Variants in LRP1B observed in about 807,000 individuals in gnomAD.
The protein encoded by LRP1B is low-density lipoprotein receptor-related protein 1B.
LRP1B carries 217 observed loss-of-function variants against 556.6 expected under a neutral mutation model. The observed-to-expected ratio is 0.39, with a 90% CI of 0.35 to 0.44. The LOEUF is 0.44. Ranked by LOEUF, LRP1B falls within the 20% of genes least tolerant of loss-of-function variation. The probability of loss-of-function intolerance (pLI) is 1.00; values close to 1 mark genes in which losing one functional copy is unlikely to be tolerated. For missense variants in LRP1B, 5,053 were observed against 5,620.8 expected (o/e 0.90, Z 3.23); for synonymous variants, 2,047 against 1,865.8 (o/e 1.10, Z -2.50).
At chr2:142,117,279 GTTCTCTCCCCCGA>G (rs1156286668) in intron 1 of LRP1B, among the ~76,000 whole-genome samples, 3 of 152,072 alleles carry the variant, frequency 2.0e-5, no homozygotes, top group Non-Finnish European at 4.4e-5. Context: ...CTGCATCCAC[GTTCTCTCCCCCGA>G]TTCTGCTTTA....
chr2:142,101,943 T>A (rs948985608), intron 1 of LRP1B, among the ~76,000 whole-genome samples: 1 of 151,978 alleles, frequency 6.6e-6, no homozygotes, highest in Admixed American at 6.6e-5. Flanking sequence ...TGAGATAGTA[T>A]GGAGAGAGAA....
At chr2:140,247,947 TC>T (rs1400280090) in intron 86 of LRP1B, among the ~76,000 whole-genome samples, 8 of 151,576 alleles carry the variant, frequency 5.3e-5, no homozygotes, top group Admixed American at 2.0e-4. Flanking sequence ...TCACAGGAAA[TC>T]CACAGAGAAA....
At chr2:140,565,005 A>G (rs1040692844) in intron 43 of LRP1B, among the ~76,000 whole-genome samples, 4 of 151,968 alleles carry the variant, frequency 2.6e-5, no homozygotes, top group African/African-American at 9.7e-5. Context: ...AGAAGATAGT[A>G]TTACTTTAGG....
intron 3 of LRP1B, among the ~76,000 whole-genome samples, chr2:141,417,758 A>ATTTTTTTTT (rs56660575): frequency 7.3e-6 from 1 of 136,362 alleles, no homozygotes. Context: ...TGGTAGTTCT[A>ATTTTTTTTT]TTTTTTTTTT....
At chr2:141,619,496 A>G (rs1378142975) in intron 2 of LRP1B, among the ~76,000 whole-genome samples, 1 of 152,212 alleles carries the variant, frequency 6.6e-6, no homozygotes, top group Non-Finnish European at 1.5e-5. Flanking sequence ...AGAAAAGCTA[A>G]AGGTGATTCT....
At chr2:141,763,319 G>T (rs1313332207) in intron 2 of LRP1B, among the ~76,000 whole-genome samples, 1 of 152,024 alleles carries the variant, frequency 6.6e-6, no homozygotes, top group African/African-American at 2.4e-5. Flanking sequence ...TTTAAATGTT[G>T]ATGTTGAAAG....
At chr2:141,722,882 C>A in intron 2 of LRP1B, among the ~76,000 whole-genome samples, 1 of 152,214 alleles carries the variant, frequency 6.6e-6, no homozygotes, top group Middle Eastern at 3.4e-3. Flanking sequence ...TCCAAGTAAG[C>A]GTATGTGGAC....
chr2:141,910,168 A>G lies in LRP1B; in HGVS notation c.83-99767T>C, dbSNP rs1432006410. The stretch of plus-strand genomic sequence containing the variant: ...AAAAAAAAAAAAAAAAATTGTCTGC[A>G]TTTTCTCTTTGAAACCAAAATTGTC... On this transcript the variant is annotated intron_variant, in intron 1 of 90. Transcript: ENST00000389484. Among the ~76,000 whole-genome samples, 3 of 147,750 alleles carry G rather than the reference A, an allele frequency of 2.0e-5. No homozygotes were observed. The Admixed American group carries it at 2.0e-4, about 10-fold the overall frequency.
At chr2:140,777,598 A>C (rs964170234) in intron 32 of LRP1B, among the ~76,000 whole-genome samples, 2 of 152,182 alleles carry the variant, frequency 1.3e-5, no homozygotes, top group Non-Finnish European at 2.9e-5. Flanking sequence ...GAAATCAAGG[A>C]TCTCCAGCTC....
chr2:141,460,510 G>T (rs1681824386), intron 3 of LRP1B, among the ~76,000 whole-genome samples: 2 of 152,124 alleles, frequency 1.3e-5, no homozygotes, highest in South Asian at 4.1e-4. Flanking sequence ...GTTTCATTTT[G>T]AATGTAATGT....
chr2:141,529,494 A>G (rs1232797626), intron 2 of LRP1B, among the ~76,000 whole-genome samples: 3 of 152,176 alleles, frequency 2.0e-5, no homozygotes, highest in African/African-American at 7.2e-5. Flanking sequence ...TATGTTACAC[A>G]TATACATATA....
chr2:140,495,363 T>C (rs755921678), intron 56 of LRP1B, among the ~76,000 whole-genome samples: 9 of 150,050 alleles, frequency 6.0e-5, no homozygotes, highest in Non-Finnish European at 1.5e-5. Flanking sequence ...AAACACTCAA[T>C]AATTCACAAG....
At chr2:140,883,220 A>T (rs940425700) in intron 25 of LRP1B, among the ~76,000 whole-genome samples, 1 of 152,120 alleles carries the variant, frequency 6.6e-6, no homozygotes, top group East Asian at 1.9e-4. Flanking sequence ...AACGGAACAC[A>T]AAAGGGAAGA....
At chr2:141,922,926 CT>C (rs1476583235) in intron 1 of LRP1B, among the ~76,000 whole-genome samples, 1 of 142,788 alleles carries the variant, frequency 7.0e-6, no homozygotes, top group Non-Finnish European at 1.6e-5. Context: ...ATAGTGAGAC[CT>C]TGTTTCTACA....
intron 1 of LRP1B, among the ~76,000 whole-genome samples, chr2:142,124,543 T>A (rs1162098451): frequency 6.6e-6 from 1 of 151,876 alleles, no homozygotes; most frequent in Non-Finnish European, 1.5e-5. Context: ...TTTTTTTTAA[T>A]GTTTCACAAA....
intron 66 of LRP1B, among the ~76,000 whole-genome samples, chr2:140,430,901 T>A (rs1685906780): frequency 6.6e-6 from 1 of 152,196 alleles, no homozygotes; most frequent in African/African-American, 2.4e-5. Flanking sequence ...GATTTGCCCC[T>A]GCCCAGGCCT....
chr2:141,068,646 G>T (rs921125625), intron 7 of LRP1B, among the ~76,000 whole-genome samples: 1 of 151,376 alleles, frequency 6.6e-6, no homozygotes, highest in African/African-American at 2.4e-5. Context: ...ACAGTTGCCA[G>T]CATTCACCCA....
chr2:142,079,538 C>T (rs1705636682), intron 1 of LRP1B, among the ~76,000 whole-genome samples: 1 of 151,714 alleles, frequency 6.6e-6, no homozygotes, highest in African/African-American at 2.4e-5. Flanking sequence ...GGTGAAGTCT[C>T]ACTGTGTCGC....
intron 50 of LRP1B, 88 bp downstream of exon 50, chr2:140,516,798 CAAT>C: frequency 8.7e-7 from 1 of 1,151,838 alleles, no homozygotes; most frequent in South Asian, 1.5e-5. Context: ...AATCAGCTGA[CAAT>C]GTTTTGTATA....
Sources: allele counts gnomAD v4.1 joint callset (sites outside exome capture counted in the v4.1 genomes callset), GRCh38; gene constraint gnomAD v4.1.1; transcripts MANE v1.5; gene names NCBI Gene and HGNC (gene_info 2026-07-23, HGNC 2026-07-21).